MYO1D: variants seen among roughly 807,000 people sequenced by gnomAD.
MYO1D encodes the protein unconventional myosin-Id.
Under a neutral mutation model 122.0 loss-of-function variants are expected in MYO1D, and 83 were observed. The ratio of observed to expected loss-of-function variants is 0.68; its 90% CI spans 0.57 to 0.82. The LOEUF is 0.82. Among genes scored for constraint, MYO1D ranks in the 40% least tolerant of loss-of-function variants. The probability of loss-of-function intolerance (pLI) is 0.00; values close to 1 mark genes in which losing one functional copy is unlikely to be tolerated. For synonymous variants in MYO1D, 464 were observed against 446.9 expected, an observed-to-expected ratio of 1.04 and a Z score of -0.48; for missense variants, 1,157 against 1,269.5, an observed-to-expected ratio of 0.91 and a Z score of 1.35.
At chr17:32,752,326 T>C (rs1282437726) in intron 11 of MYO1D, among the ~76,000 whole-genome samples, 1 of 152,224 alleles carries the variant, frequency 6.6e-6, no homozygotes, top group Admixed American at 6.5e-5. Context: ...ATAAAAATCC[T>C]AGAAGAAAAC....
rs561490808 is a variant in MYO1D at position 32,716,183 on chromosome 17, C to T, written c.1914-3988G>A. Among the ~76,000 whole-genome samples, 5 of 152,350 alleles carry T rather than the reference C, an allele frequency of 3.3e-5. No homozygotes were observed. In the East Asian group the frequency reaches 7.7e-4, roughly 23 times the overall value. On this transcript the variant is annotated intron_variant, in intron 15 of 21. Transcript: ENST00000318217. ...TTCAGGGTCTTTGCACATGCTGTTC[C>T]CACTGCCCGGAATGCATTTTATCTA... is the stretch of plus-strand genomic sequence containing the variant.
intron 21 of MYO1D, among the ~76,000 whole-genome samples, chr17:32,557,596 C>G (rs1391483020): frequency 2.6e-5 from 4 of 152,040 alleles, no homozygotes; most frequent in Non-Finnish European, 5.9e-5. Flanking sequence ...CTCACAGGTT[C>G]AAGCGATCCT....
intron 11 of MYO1D, among the ~76,000 whole-genome samples, chr17:32,754,378 C>G (rs1481303204): frequency 6.6e-6 from 1 of 152,144 alleles, no homozygotes; most frequent in African/African-American, 2.4e-5. Context: ...TACCTCTAAC[C>G]CAAAACCCTA....
At chr17:32,539,100 T>C (rs144776014) in intron 21 of MYO1D, among the ~76,000 whole-genome samples, 1,903 of 152,294 alleles carry the variant, frequency 0.012, 19 homozygotes, top group East Asian at 0.054. Flanking sequence ...ACATGTATCC[T>C]GGAACTTAAA....
At chr17:32,513,864 T>C (rs933252249) in intron 21 of MYO1D, among the ~76,000 whole-genome samples, 2 of 151,194 alleles carry the variant, frequency 1.3e-5, no homozygotes, top group African/African-American at 4.9e-5. Context: ...AGGATCTTGC[T>C]CTGTTGCCCA....
chr17:32,691,445 C>T (rs949315131), intron 16 of MYO1D, among the ~76,000 whole-genome samples: 6 of 133,672 alleles, frequency 4.5e-5, no homozygotes, highest in African/African-American at 1.2e-4. Context: ...CTTACTCTGT[C>T]GCCCAGGCTG....
Position 32,659,199 on chromosome 17 carries a change from C to G in MYO1D, c.2261G>C (p.Arg754Pro). 1 of 1,614,214 alleles carries G rather than the reference C, an allele frequency of 6.2e-7. No homozygotes were observed. Among genetic ancestry groups the G allele is most frequent in the Non-Finnish European group, 8.5e-7 (1 of 1,180,052 alleles). The change falls in exon 17 of 22, where the codon CGA becomes CCA. Residue 754 changes from arginine to proline, a missense_variant. Transcript: ENST00000318217. The stretch of plus-strand genomic sequence containing the variant: ...CCACTTCACGTGCTTCCCGTAGTCT[C>G]GCATGGTCTTGACGCCATGGAAGCG... ...ARRFHGVKTM[R>P]DYGKHVKWPS... is the part of the protein sequence containing the mutation.
chr17:32,501,794 G>T (rs1909328051), intron 21 of MYO1D, among the ~76,000 whole-genome samples: 1 of 152,132 alleles, frequency 6.6e-6, no homozygotes, highest in Non-Finnish European at 1.5e-5. Flanking sequence ...TAATAAATTG[G>T]TAAATGTAAG....
chr17:32,560,567 A>ATATATATG (rs2087114047), intron 21 of MYO1D, among the ~76,000 whole-genome samples: 1 of 102,202 alleles, frequency 9.8e-6, no homozygotes, highest in Non-Finnish European at 2.0e-5. Context: ...ATATATATAT[A>ATATATATG]TATATATATA....
intron 20 of MYO1D, among the ~76,000 whole-genome samples, chr17:32,635,736 C>A (rs972114324): frequency 6.6e-6 from 1 of 151,932 alleles, no homozygotes; most frequent in African/African-American, 2.4e-5. Context: ...AGACAGAATG[C>A]GCTTACAGTC....
intron 21 of MYO1D, among the ~76,000 whole-genome samples, chr17:32,508,682 C>T (rs1194776254): frequency 6.6e-6 from 1 of 152,194 alleles, no homozygotes; most frequent in African/African-American, 2.4e-5. Flanking sequence ...GGACTTACTA[C>T]AGCACGAGGT....
chr17:32,635,122 T>C (rs894519323), intron 20 of MYO1D, among the ~76,000 whole-genome samples: 1 of 152,226 alleles, frequency 6.6e-6, no homozygotes, highest in African/African-American at 2.4e-5. Context: ...CTGTGTTCAA[T>C]ATGTTACTGC....
chr17:32,749,848 A>G lies in MYO1D; in HGVS notation c.1468-842T>C, dbSNP rs575778357. ...CATACTGAAGGAGGACTTAAGGAGGACCATACTGAAGGCTTACTAGTTGTT... is the reference window on the plus strand; with the variant it reads ...CATACTGAAGGAGGACTTAAGGAGGGCCATACTGAAGGCTTACTAGTTGTT... On this transcript the variant is annotated intron_variant, in intron 11 of 21. Transcript: ENST00000318217. Among the ~76,000 whole-genome samples, 11 of 152,254 alleles carry G rather than the reference A, an allele frequency of 7.2e-5. No individual in the cohort carries two copies. In the East Asian group the frequency reaches 1.9e-3, roughly 27 times the overall value.
intron 21 of MYO1D, among the ~76,000 whole-genome samples, chr17:32,553,821 C>T (rs1443117362): frequency 6.6e-6 from 1 of 152,176 alleles, no homozygotes; most frequent in African/African-American, 2.4e-5. Flanking sequence ...ACTTCAACTT[C>T]CTTTAAGCTG....
chr17:32,875,589 T>A (rs1056785311), intron 1 of MYO1D, among the ~76,000 whole-genome samples: 1 of 152,212 alleles, frequency 6.6e-6, no homozygotes, highest in Non-Finnish European at 1.5e-5. Flanking sequence ...TGTAGAGGTA[T>A]ATCATTTTGA....
chr17:32,739,360 G>A (rs2089746960), intron 13 of MYO1D, among the ~76,000 whole-genome samples: 1 of 151,966 alleles, frequency 6.6e-6, no homozygotes, highest in South Asian at 2.1e-4. Flanking sequence ...GGATGAAGCT[G>A]GAAACCATCA....
At chr17:32,851,720 C>T (rs1176796775) in intron 1 of MYO1D, among the ~76,000 whole-genome samples, 2 of 152,236 alleles carry the variant, frequency 1.3e-5, no homozygotes, top group East Asian at 1.9e-4. Context: ...GATCATCAGG[C>T]ATTAGAGTCT....
At chr17:32,575,447 C>A (rs1275970789) in intron 21 of MYO1D, among the ~76,000 whole-genome samples, 1 of 152,210 alleles carries the variant, frequency 6.6e-6, no homozygotes, top group Non-Finnish European at 1.5e-5. Flanking sequence ...AAGTTCATTA[C>A]ATCCACAATA....
At position 32,758,189 on chromosome 17, in the gene MYO1D, A is replaced by C. The variant is rs376908198; in HGVS notation, c.1296+2101T>G. Among the ~76,000 whole-genome samples, 4 of 152,156 alleles carry C rather than the reference A, an allele frequency of 2.6e-5. 1 individual carries two copies. The highest frequency in any genetic ancestry group is 6.5e-5 in the Admixed American group (1 of 15,268). On this transcript the variant is annotated intron_variant, in intron 10 of 21. Coordinates refer to ENST00000318217, the MANE Select transcript of MYO1D (RefSeq NM_015194.3). ...GAGGAATGCAATTAGCAAAATCCAGACTGTGGGGAACTCCATAACAAATGA... is the reference window on the plus strand; with the variant it reads ...GAGGAATGCAATTAGCAAAATCCAGCCTGTGGGGAACTCCATAACAAATGA...
Sources: allele counts gnomAD v4.1 joint callset (sites outside exome capture counted in the v4.1 genomes callset), GRCh38; gene constraint gnomAD v4.1.1; transcripts MANE v1.5; gene names NCBI Gene and HGNC (gene_info 2026-07-23, HGNC 2026-07-21).